Variants in DDHD1 observed in about 807,000 individuals in gnomAD.
The protein encoded by DDHD1 is DDHD domain containing 1.
Under a neutral mutation model 96.4 loss-of-function variants are expected in DDHD1, and 49 were observed. The ratio of observed to expected loss-of-function variants is 0.51; its 90% CI spans 0.40 to 0.64. DDHD1 has a LOEUF of 0.64. Among genes scored for constraint, DDHD1 ranks in the 30% least tolerant of loss-of-function variants. The pLI is 0.00. For missense variants in DDHD1, 1,106 were observed against 1,161.2 expected, an observed-to-expected ratio of 0.95 and a Z score of 0.69; for synonymous variants, 442 against 446.5, an observed-to-expected ratio of 0.99 and a Z score of 0.13.
intron 4 of DDHD1, among the ~76,000 whole-genome samples, chr14:53,089,434 C>A (rs1478153623): frequency 1.3e-5 from 2 of 152,118 alleles, no homozygotes; most frequent in Admixed American, 1.3e-4. Context: ...GCTACAGTAA[C>A]CAAAACAGCA....
Position 53,074,605 on chromosome 14 carries a change from A to C in DDHD1, c.1290-758T>G. Among the ~76,000 whole-genome samples, 3 of 151,982 alleles carry C rather than the reference A, an allele frequency of 2.0e-5. No homozygotes were observed. In the South Asian group the frequency reaches 6.2e-4, roughly 31 times the overall value. ...AGTTGGACTATAAAATATTATTTTA[A>C]ATTATTTTATAATATTAAAAATTTT... On this transcript the variant is annotated intron_variant, in intron 4 of 12. Transcript: ENST00000673822.
chr14:53,122,370 C>T (rs971077596), intron 1 of DDHD1, among the ~76,000 whole-genome samples: 1 of 152,094 alleles, frequency 6.6e-6, no homozygotes, highest in African/African-American at 2.4e-5. Context: ...GAAGACTATC[C>T]CGAGGGCAGA....
intron 2 of DDHD1, among the ~76,000 whole-genome samples, chr14:53,101,689 T>C (rs530577753): frequency 5.3e-5 from 8 of 152,174 alleles, no homozygotes; most frequent in African/African-American, 1.9e-4. Flanking sequence ...TTCTAAAAAA[T>C]GTACTCACAC....
At chr14:53,117,314 G>A (rs570663817) in intron 1 of DDHD1, among the ~76,000 whole-genome samples, 3 of 152,278 alleles carry the variant, frequency 2.0e-5, no homozygotes, top group Middle Eastern at 3.4e-3. Flanking sequence ...TGCAGCTCAC[G>A]GAGGGCAAGC....
chr14:53,055,618 A>G, intron 10 of DDHD1, 42 bp downstream of exon 10: 1 of 1,588,906 alleles, frequency 6.3e-7, no homozygotes, highest in Non-Finnish European at 8.6e-7. Flanking sequence ...TGTCTAGGAA[A>G]GTGCTTATAT....
At chr14:53,083,936 T>C (rs148685692) in intron 4 of DDHD1, among the ~76,000 whole-genome samples, 3 of 152,330 alleles carry the variant, frequency 2.0e-5, no homozygotes, top group African/African-American at 7.2e-5. Context: ...CCACCTTGGA[T>C]TCATTCATCC....
intron 1 of DDHD1, among the ~76,000 whole-genome samples, chr14:53,119,633 G>T (rs533836295): frequency 5.3e-4 from 80 of 152,354 alleles, no homozygotes; most frequent in Non-Finnish European, 1.0e-3. Flanking sequence ...TCCCTGGGAT[G>T]CAAGTCTGGT....
At chr14:53,051,618 C>A (rs1286354497) in intron 12 of DDHD1, among the ~76,000 whole-genome samples, 3 of 151,934 alleles carry the variant, frequency 2.0e-5, no homozygotes, top group Non-Finnish European at 4.4e-5. Flanking sequence ...GAAGTATACA[C>A]AAATATACTT....
In DDHD1 at chr14:53,055,509, C is replaced by T. The variant is rs557932713; in HGVS notation, c.2245+151G>A. On this transcript the variant is annotated intron_variant, in intron 10 of 12. Transcript: ENST00000673822. ...TCAGAGAACTTTAGAGCTTTTTGGG[C>T]CTCAAATATGAACATTGGGAGGGTA... is the stretch of plus-strand genomic sequence containing the variant. 766 of 740,094 alleles carry T rather than the reference C, an allele frequency of 1.0e-3. 2 individuals are homozygous for T. Among genetic ancestry groups the T allele is most frequent in the African/African-American group, 1.4e-3 (79 of 56,426 alleles). The allele number at this position is 740,094 out of a possible 1,614,324, so 45.8% of individuals were successfully genotyped here. A position where few individuals can be genotyped will look rare whatever the true frequency, so the allele number is the denominator to read the frequency against.
At chr14:53,071,713 C>T (rs10483620) in intron 6 of DDHD1, among the ~76,000 whole-genome samples, 23,627 of 152,078 alleles carry the variant, frequency 0.16, 2,231 homozygotes, top group East Asian at 0.33. Context: ...TGAAGGGTAA[C>T]AGTCTGCAGT....
chr14:53,153,154 T>G lies in DDHD1; in HGVS notation c.-56A>C. On this transcript the variant is annotated 5_prime_UTR_variant, in exon 1 of 13. Coordinates refer to ENST00000673822, the MANE Select transcript of DDHD1 (RefSeq NM_001160148.2). The stretch of plus-strand genomic sequence containing the variant: ...CGCGCGGAGCCGTGACCCCCAGCGC[T>G]TCCGCCACACATTCAACGCCGCCGC... The G allele has an allele frequency of 3.2e-6, 4 of 1,256,356 alleles. No homozygotes were observed. The highest frequency in any genetic ancestry group is 1.6e-5 in the African/African-American group (1 of 62,662). 77.8% of individuals were successfully genotyped at this position (1,256,356 alleles called of 1,614,324 possible).
intron 8 of DDHD1, among the ~76,000 whole-genome samples, chr14:53,060,490 C>T (rs1883452478): frequency 6.6e-6 from 1 of 152,196 alleles, no homozygotes; most frequent in East Asian, 1.9e-4. Flanking sequence ...TCCAAGCTAA[C>T]CTGTGCACCT....
chr14:53,139,934 T>G (rs986464445), intron 1 of DDHD1, among the ~76,000 whole-genome samples: 2 of 149,306 alleles, frequency 1.3e-5, no homozygotes, highest in African/African-American at 4.9e-5. Context: ...ATGATTAATA[T>G]ACTAAAGGCT....
At chr14:53,100,595 A>C (rs1270533531) in intron 2 of DDHD1, among the ~76,000 whole-genome samples, 1 of 152,172 alleles carries the variant, frequency 6.6e-6, no homozygotes, top group Non-Finnish European at 1.5e-5. Context: ...ACCTAAAACC[A>C]ATCCCCCACA....
chr14:53,054,006 C>T (rs17126081), intron 11 of DDHD1: 10,655 of 153,876 alleles, frequency 0.069, 949 homozygotes, highest in African/African-American at 0.21. Flanking sequence ...AATTTCTAAG[C>T]TTTGAATAGA....
Position 53,055,904 on chromosome 14 carries a change from T to C in DDHD1, c.2001A>G (p.Arg667=). Residue 667 remains arginine, a synonymous_variant, in exon 10 of 13, where the codon AGA becomes AGG. Transcript: ENST00000673822. ...IFHPTDPVAY[R]LEPLILKHYS... The stretch of plus-strand genomic sequence containing the variant: ...AGTGTTTCAGTATTAATGGTTCTAA[T>C]CTATAAGCCTTGATTTAAAAAAAAA... 2 of 1,605,382 alleles carry C rather than the reference T, an allele frequency of 1.2e-6. No individual in the cohort carries two copies. Among genetic ancestry groups the C allele is most frequent in the South Asian group, 2.2e-5 (2 of 89,092 alleles).
chr14:53,142,689 C>T (rs896679240), intron 1 of DDHD1, among the ~76,000 whole-genome samples: 3 of 152,164 alleles, frequency 2.0e-5, no homozygotes, highest in African/African-American at 7.2e-5. Flanking sequence ...GGAAAAAATT[C>T]CTCCTCTCCC....
chr14:53,047,023 G>A, intron 12 of DDHD1, 74 bp from the exon 13 acceptor site: 2 of 1,216,846 alleles, frequency 1.6e-6, no homozygotes, highest in Non-Finnish European at 2.2e-6. Flanking sequence ...TACTGGAGTT[G>A]AGAGTAAAAA....
At position 53,072,611 on chromosome 14, in the gene DDHD1, G is replaced by A. The variant is rs1444706954; in HGVS notation, c.1489C>T (p.Leu497Phe). ...AMDIMYYTSPLYRDELVKGLQ... is the reference protein window; with the variant it reads ...AMDIMYYTSPFYRDELVKGLQ... ...ATGACACTTACTTCATCTCTATAAA[G>A]TGGACTAGTATAATACATTATGTCC... Residue 497 changes from leucine (L) to phenylalanine (F), a missense_variant, in exon 6 of 13, where the codon CTT (leucine) becomes TTT (phenylalanine). Physicochemically the swap from Leu to Phe is conservative, Grantham distance 22. Around this residue, in one of 2 missense-constraint regions of DDHD1, gnomAD observed 650 missense variants for 758.8 expected, o/e 0.86. Transcript: ENST00000673822. The A allele has an allele frequency of 6.4e-7, 1 of 1,571,262 alleles. No homozygotes were observed. Among genetic ancestry groups the A allele is most frequent in the South Asian group, 1.2e-5 (1 of 83,412 alleles).
Sources: allele counts gnomAD v4.1 joint callset (sites outside exome capture counted in the v4.1 genomes callset), GRCh38; gene constraint gnomAD v4.1.1; regional missense constraint gnomAD v4.1.1; transcripts MANE v1.5; gene names NCBI Gene and HGNC (gene_info 2026-07-23, HGNC 2026-07-21).